RPS6KC1: variants seen among roughly 807,000 people sequenced by gnomAD.
RPS6KC1 encodes the protein inactive ribosomal protein S6 kinase delta-1.
In RPS6KC1, 54 loss-of-function variants were observed where a neutral mutation model predicts 103.8. That is an observed-to-expected ratio of 0.52 (90% CI 0.42 to 0.65). The LOEUF (loss-of-function observed/expected upper bound fraction) is 0.65, where lower values mean the gene tolerates loss of function less well. Ranked by LOEUF, RPS6KC1 falls within the 30% of genes least tolerant of loss-of-function variation. The pLI is 0.00. For synonymous variants in RPS6KC1, 439 were observed against 438.7 expected (o/e 1.00, Z -0.01); for missense variants, 1,151 against 1,253.8 (o/e 0.92, Z 1.24).
the RPS6KC1 span, among the ~76,000 whole-genome samples, chr1:213,717,787 A>G: frequency 3.0e-4 from 45 of 152,338 alleles, no homozygotes; most frequent in African/African-American, 1.1e-3. Flanking sequence ...TATATTTTAG[A>G]GAGAGATGTT....
chr1:213,406,957 C>T, the RPS6KC1 span, among the ~76,000 whole-genome samples: 12 of 152,170 alleles, frequency 7.9e-5, no homozygotes, highest in African/African-American at 2.7e-4. Flanking sequence ...GACTTTTACC[C>T]AGTTCATTCA....
the RPS6KC1 span, among the ~76,000 whole-genome samples, chr1:213,676,957 AAAAC>A: frequency 1.3e-5 from 2 of 152,236 alleles, no homozygotes; most frequent in East Asian, 1.9e-4. Flanking sequence ...TCATCTTAAG[AAAAC>A]AAACAGAGGC....
the RPS6KC1 span, among the ~76,000 whole-genome samples, chr1:213,390,480 G>T: frequency 6.6e-6 from 1 of 152,260 alleles, no homozygotes; most frequent in Non-Finnish European, 1.5e-5. Context: ...GTAGGCACGA[G>T]AGAGGCTTTT....
chr1:213,739,025 CAG>C, the RPS6KC1 span, among the ~76,000 whole-genome samples: 4 of 150,808 alleles, frequency 2.7e-5, no homozygotes, highest in Non-Finnish European at 4.4e-5. Context: ...ATTCTTGAAA[CAG>C]AGAATACAGT....
chr1:213,584,468 A>G, the RPS6KC1 span, among the ~76,000 whole-genome samples: 2 of 152,242 alleles, frequency 1.3e-5, no homozygotes, highest in African/African-American at 4.8e-5. Flanking sequence ...AACAAATGCC[A>G]ACATCTGGCT....
At chr1:213,151,742 A>G (rs1572864569) in intron 6 of RPS6KC1, among the ~76,000 whole-genome samples, 1 of 92,694 alleles carries the variant, frequency 1.1e-5, no homozygotes, top group Non-Finnish European at 2.2e-5. Flanking sequence ...CCCCCCACCC[A>G]TCTCCCTCCC....
the RPS6KC1 span, among the ~76,000 whole-genome samples, chr1:213,568,983 C>T: frequency 6.6e-6 from 1 of 152,224 alleles, no homozygotes; most frequent in Admixed American, 6.5e-5. Context: ...CTGAGAGATC[C>T]AGGGAAGTGG....
the RPS6KC1 span, among the ~76,000 whole-genome samples, chr1:213,721,464 C>T: frequency 1.3e-5 from 2 of 152,178 alleles, no homozygotes; most frequent in Non-Finnish European, 2.9e-5. Context: ...CCTTTTATCT[C>T]TTGCCTGCCA....
At chr1:213,600,286 G>A in the RPS6KC1 span, among the ~76,000 whole-genome samples, 2 of 152,092 alleles carry the variant, frequency 1.3e-5, no homozygotes, top group African/African-American at 4.8e-5. Context: ...AGATTCCCAG[G>A]CCTCATCTCA....
At chr1:213,188,270 C>T (rs1220858092) in intron 8 of RPS6KC1, among the ~76,000 whole-genome samples, 1 of 151,924 alleles carries the variant, frequency 6.6e-6, no homozygotes, top group Admixed American at 6.6e-5. Context: ...ATGACCCCCT[C>T]AGTCTTACCT....
At chr1:213,266,563 T>C (rs1280212287) in intron 14 of RPS6KC1, among the ~76,000 whole-genome samples, 1 of 152,122 alleles carries the variant, frequency 6.6e-6, no homozygotes, top group East Asian at 1.9e-4. Context: ...TTCAGTGCTC[T>C]GGAAATGGAT....
Position 213,167,841 on chromosome 1 carries a change from C to A in RPS6KC1, c.836-17C>A, listed in dbSNP as rs1316755249. ...GAGGAAAATTTATTTTTTACATGTC[C>A]AGACTTTTTTTTTTAGGAGAGTCAA... On this transcript the variant is annotated splice_polypyrimidine_tract_variant and intron_variant, in intron 6 of 14. Transcript: ENST00000366960. 1 of 1,564,090 alleles carries A rather than the reference C, an allele frequency of 6.4e-7. No individual in the cohort carries two copies. Among genetic ancestry groups the A allele is most frequent in the Non-Finnish European group, 8.7e-7 (1 of 1,145,880 alleles).
chr1:213,836,093 A>AC, the RPS6KC1 span: 1 of 152,130 alleles, frequency 6.6e-6, no homozygotes, highest in Non-Finnish European at 1.5e-5. Flanking sequence ...AAGAAAAGAA[A>AC]CAAGAGAATC....
At chr1:213,712,681 A>G in the RPS6KC1 span, among the ~76,000 whole-genome samples, 1 of 152,188 alleles carries the variant, frequency 6.6e-6, no homozygotes, top group Admixed American at 6.5e-5. Context: ...GCAGTTGTGA[A>G]GACTGTGGGA....
chr1:213,788,129 G>A, the RPS6KC1 span, among the ~76,000 whole-genome samples: 20 of 152,206 alleles, frequency 1.3e-4, no homozygotes, highest in East Asian at 3.9e-3. Flanking sequence ...TTCTTGAACT[G>A]ACTGACTTAA....
At chr1:213,364,444 G>T in the RPS6KC1 span, among the ~76,000 whole-genome samples, 1 of 152,170 alleles carries the variant, frequency 6.6e-6, no homozygotes, top group Admixed American at 6.5e-5. Flanking sequence ...GCAGAGAAGA[G>T]GTCAGAGAAG....
intron 6 of RPS6KC1, among the ~76,000 whole-genome samples, chr1:213,156,645 T>A (rs1302497386): frequency 6.6e-6 from 1 of 152,142 alleles, no homozygotes; most frequent in African/African-American, 2.4e-5. Flanking sequence ...TCATCAGATT[T>A]CGTGTTGAAA....
At chr1:213,477,925 T>C in the RPS6KC1 span, among the ~76,000 whole-genome samples, 1 of 152,214 alleles carries the variant, frequency 6.6e-6, no homozygotes, top group Non-Finnish European at 1.5e-5. Flanking sequence ...CTCTTGGTGG[T>C]GTATATTCTA....
chr1:213,308,958 G>A, the RPS6KC1 span, among the ~76,000 whole-genome samples: 17 of 152,296 alleles, frequency 1.1e-4, no homozygotes, highest in Admixed American at 2.6e-4. Context: ...TGGGCAAAGC[G>A]TTTGGCAACT....
Sources: allele counts gnomAD v4.1 joint callset (sites outside exome capture counted in the v4.1 genomes callset), GRCh38; gene constraint gnomAD v4.1.1; transcripts MANE v1.5; gene names NCBI Gene and HGNC (gene_info 2026-07-23, HGNC 2026-07-21).